KIRREL3: variants seen among roughly 807,000 people sequenced by gnomAD.
The protein encoded by KIRREL3 is kin of IRRE-like protein 3.
Under a neutral mutation model 89.7 loss-of-function variants are expected in KIRREL3, and 36 were observed. The ratio of observed to expected loss-of-function variants is 0.40; its 90% CI spans 0.31 to 0.53. The LOEUF (loss-of-function observed/expected upper bound fraction) is 0.53. Ranked by LOEUF, KIRREL3 falls within the 20% of genes least tolerant of loss-of-function variation. KIRREL3 has a pLI of 0.49. For missense variants in KIRREL3, 864 were observed against 1,056.6 expected (o/e 0.82, Z 2.53); for synonymous variants, 445 against 441.4 (o/e 1.01, Z -0.10).
chr11:126,743,311 CT>C (rs1174242476), intron 1 of KIRREL3, among the ~76,000 whole-genome samples: 1 of 152,160 alleles, frequency 6.6e-6, no homozygotes. Flanking sequence ...GTTAGTCTAT[CT>C]ACAGGTGCTG....
rs529698100 is a variant in KIRREL3 at position 126,766,181 on chromosome 11, C to G, written c.56-203269G>C. ...AGGATGCCCACACTAACTGGAGTCT[C>G]TACCTCTCTCCTCCTCCCCTCTCTT... On this transcript the variant is annotated intron_variant, in intron 1 of 16. Transcript: ENST00000525144. This position sits in a 1 kb window ranked among gnomAD's most constrained non-coding sequence, Gnocchi z 4.2. Among the ~76,000 whole-genome samples the G allele has an allele frequency of 5.9e-5, 9 of 152,040 alleles. No homozygotes were observed. The highest frequency in any genetic ancestry group is 2.2e-4 in the African/African-American group (9 of 41,494).
rs1234720981 is a variant in KIRREL3 at position 126,780,134 on chromosome 11, A to T, written c.56-217222T>A. ...GTAGGATAGGGGAGATGGACATGGA[A>T]GCACAGGGGAGAGACAAGCGGGGAG... is the stretch of plus-strand genomic sequence containing the variant. On this transcript the variant is annotated intron_variant, in intron 1 of 16. Transcript: ENST00000525144. This position sits in a 1 kb window ranked among gnomAD's most constrained non-coding sequence, Gnocchi z 5.3. Among the ~76,000 whole-genome samples the T allele has an allele frequency of 6.6e-6, 1 of 152,156 alleles. No homozygotes were observed. The highest frequency in any genetic ancestry group is 1.9e-4 in the East Asian group (1 of 5,180).
Position 126,553,148 on chromosome 11 carries a change from A to C in KIRREL3, c.133+9687T>G, listed in dbSNP as rs1219105168. On this transcript the variant is annotated intron_variant, in intron 2 of 16. Transcript: ENST00000525144. The surrounding 1 kb of genome is among the most constrained non-coding windows in gnomAD (Gnocchi z 4.7). ...ATAGCCTGTTGTATTTCTCTATCAA[A>C]TTCTTACTCTAAGGAGATCTCTCTG... Among the ~76,000 whole-genome samples, 1 of 152,194 alleles carries C rather than the reference A, an allele frequency of 6.6e-6. No individual in the cohort carries two copies. The highest frequency in any genetic ancestry group is 1.5e-5 in the Non-Finnish European group (1 of 68,024).
At chr11:126,841,456 C>T (rs115331128) in intron 1 of KIRREL3, among the ~76,000 whole-genome samples, 109 of 152,254 alleles carry the variant, frequency 7.2e-4, no homozygotes, top group African/African-American at 2.6e-3. Flanking sequence ...TAAATCCCTC[C>T]TAAAAAAAGA....
In KIRREL3 at chr11:126,772,763, C is replaced by A. The variant is rs1732724404; in HGVS notation, c.56-209851G>T. 6.6e-6 allele frequency among the ~76,000 whole-genome samples: 1 copy of A among 152,226 alleles called. No homozygotes were observed. Among genetic ancestry groups the A allele is most frequent in the Non-Finnish European group, 1.5e-5 (1 of 68,030 alleles). On this transcript the variant is annotated intron_variant, in intron 1 of 16. Coordinates refer to ENST00000525144, the MANE Select transcript of KIRREL3 (RefSeq NM_032531.4). This position sits in a 1 kb window ranked among gnomAD's most constrained non-coding sequence, Gnocchi z 4.6. ...GCCTCTGGGGGTGCCATCGTGGTGCCTTCTGCTTCCTCCTGCCCTGAGGAG... is the reference window on the plus strand; with the variant it reads ...GCCTCTGGGGGTGCCATCGTGGTGCATTCTGCTTCCTCCTGCCCTGAGGAG...
In KIRREL3 at chr11:126,642,985, C is replaced by CCCATCCATCCATCCATCCATCCATCCAT. The variant is rs372066492; in HGVS notation, c.56-80101_56-80074dup. Among the ~76,000 whole-genome samples, 1 of 150,634 alleles carries CCCATCCATCCATCCATCCATCCATCCAT rather than the reference C, an allele frequency of 6.6e-6. No individual in the cohort carries two copies. Among genetic ancestry groups the CCCATCCATCCATCCATCCATCCATCCAT allele is most frequent in the African/African-American group, 2.5e-5 (1 of 40,552 alleles). Reference sequence around the variant, plus strand: ...GGTACTTTGGCCTCCCTTCTTCCCTCCCATCCATCCATCCATCCATCCATC... The same window carrying CCCATCCATCCATCCATCCATCCATCCAT: ...GGTACTTTGGCCTCCCTTCTTCCCTCCCATCCATCCATCCATCCATCCATCCATCCATCCATCCATCCATCCATCCATC... On this transcript the variant is annotated intron_variant, in intron 1 of 16. Transcript: ENST00000525144. This position sits in a 1 kb window ranked among gnomAD's most constrained non-coding sequence, Gnocchi z 4.9.
At position 126,782,686 on chromosome 11, in the gene KIRREL3, C is replaced by T. The variant is rs1950364574; in HGVS notation, c.55+217769G>A. ...GCAAAAGGAGGGGGCTAGAATGATC[C>T]AGATCCACGTGGTAATGAATTAGTG... On this transcript the variant is annotated intron_variant, in intron 1 of 16. Coordinates refer to ENST00000525144, the MANE Select transcript of KIRREL3 (RefSeq NM_032531.4). This position sits in a 1 kb window ranked among gnomAD's most constrained non-coding sequence, Gnocchi z 4.1. 1.3e-5 allele frequency among the ~76,000 whole-genome samples: 2 copies of T among 152,140 alleles called. No individual in the cohort carries two copies. Among genetic ancestry groups the T allele is most frequent in the South Asian group, 4.1e-4 (2 of 4,824 alleles).
chr11:126,938,784 A>C (rs1380430344), intron 1 of KIRREL3, among the ~76,000 whole-genome samples: 1 of 152,180 alleles, frequency 6.6e-6, no homozygotes, highest in Non-Finnish European at 1.5e-5. Context: ...AAATAGAAAA[A>C]ACACACACTG....
At chr11:126,893,528 G>A (rs1014196235) in intron 1 of KIRREL3, among the ~76,000 whole-genome samples, 2 of 152,236 alleles carry the variant, frequency 1.3e-5, no homozygotes, top group East Asian at 1.9e-4. Flanking sequence ...CCGAGCTCAT[G>A]ACCTAAACGG....
rs907643411 is a variant in KIRREL3 at position 126,535,111 on chromosome 11, C to A, written c.134-8424G>T. Among the ~76,000 whole-genome samples, 1 of 152,042 alleles carries A rather than the reference C, an allele frequency of 6.6e-6. No individual in the cohort carries two copies. The highest frequency in any genetic ancestry group is 2.4e-5 in the African/African-American group (1 of 41,374). On this transcript the variant is annotated intron_variant, in intron 2 of 16. Transcript: ENST00000525144. This position sits in a 1 kb window ranked among gnomAD's most constrained non-coding sequence, Gnocchi z 4.5. ...TCTGGTTATGGGGCAGAGCTGGGAGCAGGCAGATGGCATCCTCAGATCAGT... is the reference window on the plus strand; with the variant it reads ...TCTGGTTATGGGGCAGAGCTGGGAGAAGGCAGATGGCATCCTCAGATCAGT...
Position 126,446,861 on chromosome 11 carries a change from G to T in KIRREL3, c.1023C>A (p.Pro341=). Residue 341 remains proline, a synonymous_variant, in exon 9 of 17, where the codon CCC becomes CCA. Transcript: ENST00000525144. ...VYFGPRMTTE[P]QSLLVDLGSD... ...AGCCCAGATCCACGAGCAAGGATTGGGGTTCTGTGGTCATCCGGGGCCCAA... is the reference window on the plus strand; with the variant it reads ...AGCCCAGATCCACGAGCAAGGATTGTGGTTCTGTGGTCATCCGGGGCCCAA... The T allele has an allele frequency of 3.7e-6, 6 of 1,604,606 alleles. No homozygotes were observed. The highest frequency in any genetic ancestry group is 5.1e-6 in the Non-Finnish European group (6 of 1,175,738).
chr11:126,768,133 T>C lies in KIRREL3; in HGVS notation c.56-205221A>G, dbSNP rs371981760. On this transcript the variant is annotated intron_variant, in intron 1 of 16. Transcript: ENST00000525144. The surrounding 1 kb of genome is among the most constrained non-coding windows in gnomAD (Gnocchi z 4.5). ...CTGTCCATCCATCTGTCTATCCATCTATCCATCCATCCATCCATCCATCCA... is the reference window on the plus strand; with the variant it reads ...CTGTCCATCCATCTGTCTATCCATCCATCCATCCATCCATCCATCCATCCA... Among the ~76,000 whole-genome samples, 2,889 of 127,398 alleles carry C rather than the reference T, an allele frequency of 0.023. 214 individuals carry two copies. Among genetic ancestry groups the C allele is most frequent in the African/African-American group, 0.092 (2,693 of 29,302 alleles). The allele number at this position is 127,398 out of a possible 152,430, so 83.6% of individuals were successfully genotyped here.
rs10616492 is a variant in KIRREL3 at position 126,755,823 on chromosome 11, CAGAGAGAGAGAGAGAGAG to C, written c.56-192929_56-192912del. On this transcript the variant is annotated intron_variant, in intron 1 of 16. Transcript: ENST00000525144. The surrounding 1 kb of genome is among the most constrained non-coding windows in gnomAD (Gnocchi z 4.3). Reference sequence around the variant, plus strand: ...GCGTGCTCGCCATCTGCCATTCAGGCAGAGAGAGAGAGAGAGAGAGAGAGAGAGAGAGGGAGAGAGGGA... The same window carrying C: ...GCGTGCTCGCCATCTGCCATTCAGGCAGAGAGAGAGAGAGGGAGAGAGGGA... Among the ~76,000 whole-genome samples the C allele has an allele frequency of 1.4e-5, 2 of 147,920 alleles. No homozygotes were observed. Among genetic ancestry groups the C allele is most frequent in the African/African-American group, 5.0e-5 (2 of 39,760 alleles).
rs900948499 is a variant in KIRREL3 at position 126,651,700 on chromosome 11, G to T, written c.56-88788C>A. 6.6e-6 allele frequency among the ~76,000 whole-genome samples: 1 copy of T among 152,172 alleles called. No individual in the cohort carries two copies. The highest frequency in any genetic ancestry group is 2.4e-5 in the African/African-American group (1 of 41,428). Reference sequence around the variant, plus strand: ...ATATGAAACCTCACAATTCATTCATGTGCCATTTGTTTTCATTCCTTTTTT... The same window carrying T: ...ATATGAAACCTCACAATTCATTCATTTGCCATTTGTTTTCATTCCTTTTTT... On this transcript the variant is annotated intron_variant, in intron 1 of 16. Transcript: ENST00000525144. This position sits in a 1 kb window ranked among gnomAD's most constrained non-coding sequence, Gnocchi z 4.6.
At chr11:126,832,013 T>C (rs898147468) in intron 1 of KIRREL3, among the ~76,000 whole-genome samples, 3 of 152,258 alleles carry the variant, frequency 2.0e-5, no homozygotes, top group African/African-American at 7.2e-5. Flanking sequence ...TTATATTTAA[T>C]TGGCTTTATA....
intron 1 of KIRREL3, among the ~76,000 whole-genome samples, chr11:126,809,394 G>A (rs187617895): frequency 6.6e-6 from 1 of 152,324 alleles, no homozygotes; most frequent in East Asian, 1.9e-4. Flanking sequence ...GGGTGACACA[G>A]AAGACAGACA....
chr11:126,762,097 C>T (rs1002141310), intron 1 of KIRREL3, among the ~76,000 whole-genome samples: 3 of 152,020 alleles, frequency 2.0e-5, no homozygotes, highest in African/African-American at 4.8e-5. Context: ...AATCACGGAA[C>T]CCTGGAGGCA....
intron 1 of KIRREL3, among the ~76,000 whole-genome samples, chr11:126,938,512 G>A (rs1027190945): frequency 1.3e-5 from 2 of 152,182 alleles, no homozygotes; most frequent in African/African-American, 2.4e-5. Flanking sequence ...CATGTGTCTT[G>A]CCTGCTATGA....
At chr11:126,661,940 ATTC>A (rs907982576) in intron 1 of KIRREL3, among the ~76,000 whole-genome samples, 2 of 152,186 alleles carry the variant, frequency 1.3e-5, no homozygotes, top group African/African-American at 4.8e-5. Flanking sequence ...TCGAAACAGC[ATTC>A]TTCTTCTTTA....
Sources: gnomAD v4.1 joint callset for allele counts (sites outside exome capture counted in the v4.1 genomes callset) on GRCh38, gnomAD v4.1.1 for gene constraint, Gnocchi (gnomAD v3.1) non-coding constraint, MANE v1.5 for transcripts, NCBI Gene and HGNC (gene_info 2026-07-23, HGNC 2026-07-21) for gene names.